The following GSKIP variants were observed in gnomAD, a reference collection of about 807,000 sequenced individuals.
GSKIP encodes the protein GSK3B-interacting protein.
A neutral mutation model predicts 11.9 loss-of-function variants in GSKIP; 5 were observed. The ratio of observed to expected loss-of-function variants is 0.42; its 90% CI spans 0.22 to 0.89. The LOEUF is 0.89. GSKIP is among the 40% of genes least tolerant of loss of function. The pLI, the probability that GSKIP is intolerant of heterozygous loss-of-function variation, is 0.29. For synonymous variants in GSKIP, 70 were observed against 62.9 expected (o/e 1.11, Z -0.54); for missense variants, 150 against 166.6 (o/e 0.90, Z 0.55).
intron 1 of GSKIP, among the ~76,000 whole-genome samples, chr14:96,376,933 A>G (rs1429302604): frequency 6.6e-6 from 1 of 152,240 alleles, no homozygotes; most frequent in African/African-American, 2.4e-5. Context: ...TGAAACAATG[A>G]TGATTGATTC....
chr14:96,383,620 A>G (rs1396417390), intron 3 of GSKIP, among the ~76,000 whole-genome samples: 1 of 152,256 alleles, frequency 6.6e-6, no homozygotes, highest in Admixed American at 6.5e-5. Context: ...TATCAAGTAC[A>G]TAAACATCTC....
chr14:96,369,109 G>A (rs558031302), intron 1 of GSKIP, among the ~76,000 whole-genome samples: 10 of 152,312 alleles, frequency 6.6e-5, no homozygotes, highest in Admixed American at 1.3e-4. Context: ...ACACTGTAGC[G>A]AAGAACTTGG....
chr14:96,365,203 A>G (rs1330294880), intron 1 of GSKIP: 2 of 151,970 alleles, frequency 1.3e-5, no homozygotes, highest in Admixed American at 1.3e-4. Flanking sequence ...TGGAAAAACG[A>G]AAGCAATGTA....
At chr14:96,375,219 T>G (rs1379787568) in intron 1 of GSKIP, among the ~76,000 whole-genome samples, 2 of 151,834 alleles carry the variant, frequency 1.3e-5, no homozygotes, top group Non-Finnish European at 2.9e-5. Flanking sequence ...AGTGGTTAAT[T>G]CAAAAGCAAG....
intron 1 of GSKIP, among the ~76,000 whole-genome samples, chr14:96,373,146 C>T (rs1889096504): frequency 6.9e-6 from 1 of 144,168 alleles, no homozygotes; most frequent in Non-Finnish European, 1.5e-5. Flanking sequence ...AGGAGAATGG[C>T]ATGAACCCAG....
chr14:96,373,909 TA>T (rs1438945237), intron 1 of GSKIP, among the ~76,000 whole-genome samples: 4 of 152,176 alleles, frequency 2.6e-5, no homozygotes, highest in African/African-American at 9.7e-5. Context: ...CAATAATATT[TA>T]AAATAATATA....
intron 3 of GSKIP, chr14:96,384,893 T>C (rs879889720): frequency 6.6e-6 from 1 of 152,026 alleles, no homozygotes; most frequent in Non-Finnish European, 1.5e-5. Flanking sequence ...GTAAGAAATA[T>C]ATTAGGTGAA....
intron 1 of GSKIP, among the ~76,000 whole-genome samples, chr14:96,375,669 T>C (rs1889180352): frequency 6.6e-6 from 1 of 152,172 alleles, no homozygotes; most frequent in Admixed American, 6.5e-5. Flanking sequence ...CCTGACCTCG[T>C]GATCCACCCA....
At chr14:96,380,225 G>A (rs567792378) in intron 2 of GSKIP, 10 of 152,272 alleles carry the variant, frequency 6.6e-5, no homozygotes, top group South Asian at 6.2e-4. Flanking sequence ...TGTGAGAGAC[G>A]AGATAAAGAG....
At chr14:96,373,147 A>AT (rs1261963781) in intron 1 of GSKIP, among the ~76,000 whole-genome samples, 2 of 149,194 alleles carry the variant, frequency 1.3e-5, no homozygotes, top group African/African-American at 4.9e-5. Flanking sequence ...GGAGAATGGC[A>AT]TGAACCCAGA....
Position 96,378,737 on chromosome 14 carries a change from T to C in GSKIP, c.-102-951T>C, listed in dbSNP as rs550337197. ...CATTTTCTAAACCTTTTTACCTTCA[T>C]AGGGCTGTTATAGAGCTAAATCAAT... On this transcript the variant is annotated intron_variant, in intron 1 of 3. Transcript: ENST00000555181. Among the ~76,000 whole-genome samples, 177 of 152,340 alleles carry C rather than the reference T, an allele frequency of 1.2e-3. 8 individuals carry two copies. In the South Asian group the frequency reaches 0.034, roughly 29 times the overall value.
chr14:96,368,050 T>A (rs369513291), intron 1 of GSKIP, among the ~76,000 whole-genome samples: 3 of 152,126 alleles, frequency 2.0e-5, no homozygotes, highest in African/African-American at 7.2e-5. Flanking sequence ...TCCTAGAGGA[T>A]TATATAGAAA....
Position 96,382,429 on chromosome 14 carries a change from A to C in GSKIP, c.182A>C (p.Asp61Ala). 2 of 1,613,362 alleles carry C rather than the reference A, an allele frequency of 1.2e-6. No individual in the cohort carries two copies. Among genetic ancestry groups the C allele is most frequent in the East Asian group, 2.2e-5 (1 of 44,876 alleles). ...GTCTCGAAAAGCCTGCGGTGTGCGG[A>C]TGATGTGGCCTATATCAATGTGGAA... is the stretch of plus-strand genomic sequence containing the variant. ...MFVSKSLRCA[D>A]DVAYINVETK... Residue 61 changes from aspartate (D) to alanine (A), a missense_variant, in exon 3 of 4, where the codon GAT becomes GCT. Asp to Ala is a moderately radical substitution (Grantham distance 126). Coordinates refer to ENST00000555181, the MANE Select transcript of GSKIP (RefSeq NM_016472.5).
chr14:96,374,629 A>G (rs762481680), intron 1 of GSKIP, among the ~76,000 whole-genome samples: 6 of 152,180 alleles, frequency 3.9e-5, no homozygotes, highest in Non-Finnish European at 8.8e-5. Context: ...AGACTCCCAA[A>G]TAGCCGGGAC....
chr14:96,364,818 G>A (rs1285387315), intron 1 of GSKIP: 1 of 152,240 alleles, frequency 6.6e-6, no homozygotes, highest in East Asian at 1.9e-4. Flanking sequence ...ACGGAAGCAT[G>A]GTGGTACCTG....
chr14:96,386,037 A>C lies in GSKIP; in HGVS notation c.*353A>C, dbSNP rs1228238464. 5.9e-6 allele frequency: 1 copy of C among 170,048 alleles called. No individual in the cohort carries two copies. Among genetic ancestry groups the C allele is most frequent in the Non-Finnish European group, 1.3e-5 (1 of 78,928 alleles). The allele number at this position is 170,048 out of a possible 1,614,324, so 10.5% of individuals were successfully genotyped here. A position where few individuals can be genotyped will look rare whatever the true frequency, so the allele number is the denominator to read the frequency against. ...TCTAGATTTGCACAGTAATAGAGGA[A>C]TTAGAAGTACCTAACTATACACTTT... On this transcript the variant is annotated 3_prime_UTR_variant, in exon 4 of 4. Coordinates refer to ENST00000555181, the MANE Select transcript of GSKIP (RefSeq NM_016472.5).
chr14:96,373,248 A>G (rs886873441), intron 1 of GSKIP, among the ~76,000 whole-genome samples: 11 of 145,508 alleles, frequency 7.6e-5, no homozygotes, highest in Non-Finnish European at 7.4e-5. Flanking sequence ...AAAAAAAAAA[A>G]AAAAGAAAGG....
At position 96,369,651 on chromosome 14, in the gene GSKIP, G is replaced by A. The variant is rs141201994; in HGVS notation, c.-103+6083G>A. Among the ~76,000 whole-genome samples the A allele has an allele frequency of 4.4e-3, 673 of 152,302 alleles. 26 individuals carry two copies. In the South Asian group the frequency reaches 0.067, roughly 15 times the overall value. Reference sequence around the variant, plus strand: ...CTGTATGTCTTTGCAGCTTCTATGTGTTGTTAGGACTTTGGGGCACAGAAT... The same window carrying A: ...CTGTATGTCTTTGCAGCTTCTATGTATTGTTAGGACTTTGGGGCACAGAAT... On this transcript the variant is annotated intron_variant, in intron 1 of 3. Coordinates refer to ENST00000555181, the MANE Select transcript of GSKIP (RefSeq NM_016472.5).
At position 96,382,269 on chromosome 14, in the gene GSKIP, A is replaced by G. The variant is rs780898499; in HGVS notation, c.22A>G (p.Met8Val). 10 of 1,605,060 alleles carry G rather than the reference A, an allele frequency of 6.2e-6. No individual in the cohort carries two copies. Among genetic ancestry groups the G allele is most frequent in the South Asian group, 1.1e-5 (1 of 90,372 alleles). METDCNP[M>V]ELSSMSGFEE... ...CAGAATGGAAACAGACTGTAATCCC[A>G]TGGAGCTAAGCAGTATGTCAGGATT... Residue 8 changes from methionine to valine, a missense_variant, in exon 3 of 4, where the codon ATG becomes GTG. By Grantham distance (21) the Met-to-Val change is conservative (BLOSUM62 1). Transcript: ENST00000555181.
Sources: gnomAD v4.1 joint callset for allele counts (sites outside exome capture counted in the v4.1 genomes callset) on GRCh38, gnomAD v4.1.1 for gene constraint, MANE v1.5 for transcripts, NCBI Gene and HGNC (gene_info 2026-07-23, HGNC 2026-07-21) for gene names.